PTPRN2: variants seen among roughly 807,000 people sequenced by gnomAD.
The protein encoded by PTPRN2 is receptor-type tyrosine-protein phosphatase N2.
A neutral mutation model predicts 118.8 loss-of-function variants in PTPRN2; 74 were observed. The ratio of observed to expected loss-of-function variants is 0.62; its 90% CI spans 0.52 to 0.76. PTPRN2 has a LOEUF of 0.76. Ranked by LOEUF, PTPRN2 falls within the 30% of genes least tolerant of loss-of-function variation. PTPRN2 has a pLI of 0.00. For missense variants in PTPRN2, 1,481 were observed against 1,394.4 expected, an observed-to-expected ratio of 1.06 and a Z score of -0.99; for synonymous variants, 641 against 608.0, an observed-to-expected ratio of 1.05 and a Z score of -0.80.
chr7:157,991,812 T>G (rs1432287140), intron 11 of PTPRN2, among the ~76,000 whole-genome samples: 1 of 150,836 alleles, frequency 6.6e-6, no homozygotes, highest in African/African-American at 2.4e-5. Context: ...CCAGAAGTGA[T>G]GCACCCAAGG....
In PTPRN2 at chr7:158,085,612, C is replaced by T. The variant is rs553601692; in HGVS notation, c.1644-4235G>A. ...TCCAGATACCCATCCACACCCACGA[C>T]GCCCATCCACACCCTCGACGCCCAT... On this transcript the variant is annotated intron_variant, in intron 10 of 22. Transcript: ENST00000389418. Among the ~76,000 whole-genome samples the T allele has an allele frequency of 7.6e-4, 95 of 125,590 alleles. 1 individual carries two copies. The East Asian group carries it at 0.011, about 15-fold the overall frequency. The allele number at this position is 125,590 out of a possible 152,430, so 82.4% of individuals were successfully genotyped here.
intron 11 of PTPRN2, among the ~76,000 whole-genome samples, chr7:157,975,017 C>G (rs1802634694): frequency 6.6e-6 from 1 of 152,222 alleles, no homozygotes; most frequent in Non-Finnish European, 1.5e-5. Context: ...CTGGGGAGAG[C>G]AGAGGGTGTT....
At chr7:158,326,897 TCTCACACATGCACATG>T (rs61727419) in intron 2 of PTPRN2, among the ~76,000 whole-genome samples, 25 of 147,432 alleles carry the variant, frequency 1.7e-4, no homozygotes, top group African/African-American at 6.1e-4. Context: ...ATGCACACAT[TCTCACACATGCACATG>T]CTCACACGTT....
chr7:158,329,901 A>G lies in PTPRN2; in HGVS notation c.164-12969T>C, dbSNP rs1250857141. On this transcript the variant is annotated intron_variant, in intron 2 of 22. Coordinates refer to ENST00000389418, the MANE Select transcript of PTPRN2 (RefSeq NM_002847.5). ...CTGAGAAAATGCGGTCACCATAGCT[A>G]CATGGAGTGACTGGCAGAGTGTCCT... 2.6e-5 allele frequency among the ~76,000 whole-genome samples: 4 copies of G among 152,122 alleles called. No homozygotes were observed. The East Asian group carries it at 7.7e-4, about 29-fold the overall frequency.
chr7:158,132,547 T>C (rs10278558), intron 9 of PTPRN2, among the ~76,000 whole-genome samples: 98,589 of 149,622 alleles, frequency 0.66, 33,095 homozygotes, highest in African/African-American at 0.79. Context: ...TACACACACA[T>C]GCATACACAG....
At chr7:157,702,776 C>A (rs1798142035) in intron 12 of PTPRN2, among the ~76,000 whole-genome samples, 1 of 152,224 alleles carries the variant, frequency 6.6e-6, no homozygotes, top group Non-Finnish European at 1.5e-5. Context: ...GCGTGTGTGC[C>A]ATTTCAAACA....
At chr7:158,293,635 CT>C (rs1276951204) in intron 3 of PTPRN2, among the ~76,000 whole-genome samples, 1 of 151,972 alleles carries the variant, frequency 6.6e-6, no homozygotes, top group East Asian at 1.9e-4. Context: ...TTAACTTTTT[CT>C]TATAACACTT....
In PTPRN2 at chr7:158,518,391, A is replaced by G. The variant is rs189577792; in HGVS notation, c.113-28606T>C. ...GGGAGAAGGATATGAACACACAGGGACATCAGCGCTTGTCCTTTCTGGACT... is the reference window on the plus strand; with the variant it reads ...GGGAGAAGGATATGAACACACAGGGGCATCAGCGCTTGTCCTTTCTGGACT... On this transcript the variant is annotated intron_variant, in intron 1 of 22. Coordinates refer to ENST00000389418, the MANE Select transcript of PTPRN2 (RefSeq NM_002847.5). Among the ~76,000 whole-genome samples the G allele has an allele frequency of 3.0e-3, 461 of 152,266 alleles. 1 individual carries two copies. Among genetic ancestry groups the G allele is most frequent in the Non-Finnish European group, 5.0e-3 (337 of 68,022 alleles).
chr7:158,375,196 G>A (rs1015191585), intron 2 of PTPRN2, among the ~76,000 whole-genome samples: 1 of 152,222 alleles, frequency 6.6e-6, no homozygotes, highest in Non-Finnish European at 1.5e-5. Context: ...GCAGCACTGG[G>A]CCTCCCCACA....
chr7:158,504,496 G>A (rs1046379761), intron 1 of PTPRN2, among the ~76,000 whole-genome samples: 3 of 152,116 alleles, frequency 2.0e-5, no homozygotes, highest in Admixed American at 6.6e-5. Flanking sequence ...ACAGCTTCCC[G>A]CTCCATCCAT....
chr7:157,840,600 C>T (rs941845379), intron 12 of PTPRN2, among the ~76,000 whole-genome samples: 3 of 152,186 alleles, frequency 2.0e-5, no homozygotes, highest in Non-Finnish European at 4.4e-5. Context: ...CGGCTGAAGC[C>T]CACAGAGCAG....
rs1826927226 is a variant in PTPRN2 at position 158,555,653 on chromosome 7, C to G, written c.112+31905G>C. ...CATGGCAGGGTTAGGGGCACAAGCACCGCCCGTCAACCCTTCACAGAAGCT... is the reference window on the plus strand; with the variant it reads ...CATGGCAGGGTTAGGGGCACAAGCAGCGCCCGTCAACCCTTCACAGAAGCT... On this transcript the variant is annotated intron_variant, in intron 1 of 22. Transcript: ENST00000389418. This position sits in a 1 kb window ranked among gnomAD's most constrained non-coding sequence, Gnocchi z 4.7. Among the ~76,000 whole-genome samples, 1 of 152,196 alleles carries G rather than the reference C, an allele frequency of 6.6e-6. No homozygotes were observed. Among genetic ancestry groups the G allele is most frequent in the Non-Finnish European group, 1.5e-5 (1 of 68,038 alleles).
intron 11 of PTPRN2, among the ~76,000 whole-genome samples, chr7:158,023,179 T>C (rs967909400): frequency 2.0e-5 from 3 of 152,184 alleles, no homozygotes; most frequent in Non-Finnish European, 1.5e-5. Context: ...CCTAAGCCCA[T>C]GTCGACAAGG....
intron 21 of PTPRN2, among the ~76,000 whole-genome samples, chr7:157,563,203 T>C (rs373233384): frequency 0.36 from 9,718 of 26,982 alleles, 2,898 homozygotes; most frequent in Middle Eastern, 0.55. Context: ...CGTGCTCCCA[T>C]GTCACCACAC....
chr7:157,672,870 C>A (rs537417949), intron 13 of PTPRN2, among the ~76,000 whole-genome samples: 2 of 152,160 alleles, frequency 1.3e-5, no homozygotes, highest in Admixed American at 1.3e-4. Flanking sequence ...TAATCGTCTG[C>A]GAATCTTCCC....
intron 2 of PTPRN2, among the ~76,000 whole-genome samples, chr7:158,454,014 CGATGT>C (rs1563312711): frequency 6.2e-5 from 8 of 129,302 alleles, no homozygotes; most frequent in Admixed American, 2.3e-4. Context: ...ACACAATCAC[CGATGT>C]CAGGATTGGG....
At chr7:157,970,646 C>A (rs928401243) in intron 11 of PTPRN2, among the ~76,000 whole-genome samples, 4 of 150,928 alleles carry the variant, frequency 2.7e-5, no homozygotes, top group Admixed American at 6.6e-5. Context: ...ACCCCCCCCC[C>A]CACAGGTTGC....
intron 3 of PTPRN2, among the ~76,000 whole-genome samples, chr7:158,210,893 A>T (rs1313622139): frequency 6.6e-6 from 1 of 152,200 alleles, no homozygotes; most frequent in Non-Finnish European, 1.5e-5. Context: ...TATTTAAAGA[A>T]GAATCTTGCT....
At chr7:157,921,348 GCA>G (rs1432561518) in intron 11 of PTPRN2, among the ~76,000 whole-genome samples, 1 of 152,208 alleles carries the variant, frequency 6.6e-6, no homozygotes, top group Non-Finnish European at 1.5e-5. Flanking sequence ...TACCAGCAGA[GCA>G]CAGAGGCTTT....
Sources: allele counts gnomAD v4.1 joint callset (sites outside exome capture counted in the v4.1 genomes callset), GRCh38; gene constraint gnomAD v4.1.1; non-coding constraint Gnocchi (gnomAD v3.1); transcripts MANE v1.5; gene names NCBI Gene and HGNC (gene_info 2026-07-23, HGNC 2026-07-21).